Variants in PCGF6 observed in about 807,000 individuals in gnomAD.
PCGF6 encodes polycomb group ring finger 6.
Under a neutral mutation model 45.5 loss-of-function variants are expected in PCGF6, and 24 were observed. The observed-to-expected ratio is 0.53, with a 90% CI of 0.38 to 0.74. The LOEUF is 0.74. Among genes scored for constraint, PCGF6 ranks in the 30% least tolerant of loss-of-function variants. PCGF6 has a pLI of 0.00. For synonymous variants in PCGF6, 152 were observed against 162.1 expected, an observed-to-expected ratio of 0.94 and a Z score of 0.47; for missense variants, 356 against 443.2, an observed-to-expected ratio of 0.80 and a Z score of 1.77.
intron 6 of PCGF6, among the ~76,000 whole-genome samples, chr10:103,344,453 G>A (rs1353829171): frequency 6.7e-6 from 1 of 149,920 alleles, no homozygotes; most frequent in Non-Finnish European, 1.5e-5. Flanking sequence ...TGTATTTTTA[G>A]TAGACAGGGT....
At chr10:103,345,585 T>C (rs554977658) in intron 5 of PCGF6, among the ~76,000 whole-genome samples, 3 of 152,204 alleles carry the variant, frequency 2.0e-5, no homozygotes, top group East Asian at 3.9e-4. Context: ...TCCAACCCTT[T>C]GGGAGGCCAA....
intron 7 of PCGF6, 30 bp downstream of exon 7, chr10:103,333,895 G>A (rs1173481141): frequency 2.6e-6 from 4 of 1,535,684 alleles, no homozygotes; most frequent in East Asian, 2.4e-5. Context: ...GAGTCCTCTT[G>A]TGAAATGAAT....
intron 9 of PCGF6, among the ~76,000 whole-genome samples, chr10:103,310,773 A>G (rs762751723): frequency 3.9e-5 from 6 of 151,972 alleles, no homozygotes; most frequent in Non-Finnish European, 8.8e-5. Context: ...GTGATCATGG[A>G]TCACTGCAAC....
Position 103,339,853 on chromosome 10 carries a change from A to G in PCGF6, c.782+5171T>C, listed in dbSNP as rs1195700727. On this transcript the variant is annotated intron_variant, in intron 6 of 9. Transcript: ENST00000369847. ...CACACACACACACACACACACACACACACACACACACACAAAAGCATCTTA... is the reference window on the plus strand; with the variant it reads ...CACACACACACACACACACACACACGCACACACACACACAAAAGCATCTTA... 1.4e-5 allele frequency among the ~76,000 whole-genome samples: 2 copies of G among 141,522 alleles called. 1 individual carries two copies. The highest frequency in any genetic ancestry group is 5.2e-5 in the African/African-American group (2 of 38,206). 92.8% of individuals were successfully genotyped at this position (141,522 alleles called of 152,430 possible).
chr10:103,307,435 G>A (rs1025218716), intron 9 of PCGF6, among the ~76,000 whole-genome samples: 1 of 151,940 alleles, frequency 6.6e-6, no homozygotes, highest in African/African-American at 2.4e-5. Flanking sequence ...AGACCACACA[G>A]CAAGACCCTG....
intron 9 of PCGF6, among the ~76,000 whole-genome samples, chr10:103,312,189 C>T (rs1009165800): frequency 6.6e-6 from 1 of 150,562 alleles, no homozygotes; most frequent in East Asian, 2.0e-4. Context: ...GTCAGGAGAT[C>T]GAGACCATCC....
intron 5 of PCGF6, 23 bp from the exon 6 acceptor site, chr10:103,345,155 T>A: frequency 6.7e-7 from 1 of 1,492,104 alleles, no homozygotes; most frequent in Non-Finnish European, 9.2e-7. Flanking sequence ...CAAACAAAAA[T>A]GTTAATTAAG....
At chr10:103,345,177 C>A in intron 5 of PCGF6, 45 bp from the exon 6 acceptor site, 1 of 1,354,908 alleles carries the variant, frequency 7.4e-7, no homozygotes, top group Non-Finnish European at 1.0e-6. Context: ...ATAAAAATGC[C>A]ATAAATTGAG....
At chr10:103,305,557 C>T (rs1010927613) in intron 9 of PCGF6, among the ~76,000 whole-genome samples, 5 of 152,162 alleles carry the variant, frequency 3.3e-5, no homozygotes, top group Admixed American at 1.3e-4. Flanking sequence ...AAGTGTGACC[C>T]GCTGCACCCG....
intron 8 of PCGF6, among the ~76,000 whole-genome samples, chr10:103,314,618 G>T (rs1386208965): frequency 6.6e-6 from 1 of 152,108 alleles, no homozygotes; most frequent in East Asian, 1.9e-4. Context: ...TCAACATCAG[G>T]TAGCAAAGGA....
chr10:103,311,812 C>T (rs112993242), intron 9 of PCGF6, among the ~76,000 whole-genome samples: 1 of 151,088 alleles, frequency 6.6e-6, no homozygotes. Context: ...CTGTCAGCCA[C>T]GTGTGGTGGC....
intron 5 of PCGF6, among the ~76,000 whole-genome samples, chr10:103,345,671 T>C (rs1455939491): frequency 6.7e-6 from 1 of 150,344 alleles, no homozygotes; most frequent in Non-Finnish European, 1.5e-5. Context: ...CTACTAAAAA[T>C]ACAAAAATTA....
intron 6 of PCGF6, among the ~76,000 whole-genome samples, chr10:103,335,510 C>G (rs1405721365): frequency 6.6e-6 from 1 of 152,034 alleles, no homozygotes; most frequent in East Asian, 1.9e-4. Context: ...CTACAGGCAC[C>G]CACCACCACA....
chr10:103,336,102 C>T (rs1011798533), intron 6 of PCGF6, among the ~76,000 whole-genome samples: 11 of 151,676 alleles, frequency 7.3e-5, no homozygotes, highest in African/African-American at 2.7e-4. Flanking sequence ...GGTGTGGTGG[C>T]GTGCACCTGT....
intron 9 of PCGF6, among the ~76,000 whole-genome samples, chr10:103,305,837 C>T (rs983578604): frequency 1.3e-5 from 2 of 151,160 alleles, no homozygotes; most frequent in Non-Finnish European, 2.9e-5. Context: ...CACTTGAGAC[C>T]GGGAGTTCAA....
intron 8 of PCGF6, among the ~76,000 whole-genome samples, 177 bp downstream of exon 8, chr10:103,326,357 C>T (rs1317827341): frequency 6.7e-6 from 1 of 149,342 alleles, no homozygotes; most frequent in Non-Finnish European, 1.5e-5. Flanking sequence ...CCACTGCACT[C>T]CAGCCTGGGC....
chr10:103,336,063 C>G (rs1163639050), intron 6 of PCGF6, among the ~76,000 whole-genome samples: 1 of 150,444 alleles, frequency 6.6e-6, no homozygotes, highest in East Asian at 2.0e-4. Flanking sequence ...CTCAGGAGCT[C>G]GAGACCAGCC....
chr10:103,327,272 C>T (rs2093222340), intron 7 of PCGF6, among the ~76,000 whole-genome samples: 1 of 151,778 alleles, frequency 6.6e-6, no homozygotes, highest in Admixed American at 6.6e-5. Flanking sequence ...GCAACAAGAG[C>T]AAAACTCCGT....
chr10:103,304,854 C>A (rs139753052), intron 9 of PCGF6, among the ~76,000 whole-genome samples: 1 of 151,896 alleles, frequency 6.6e-6, no homozygotes, highest in East Asian at 1.9e-4. Context: ...AGAGTTTCAC[C>A]GTATTGCATA....
Sources: gnomAD v4.1 joint callset for allele counts (sites outside exome capture counted in the v4.1 genomes callset) on GRCh38, gnomAD v4.1.1 for gene constraint, MANE v1.5 for transcripts, NCBI Gene and HGNC (gene_info 2026-07-23, HGNC 2026-07-21) for gene names.